SH3BP4: variants seen among roughly 807,000 people sequenced by gnomAD.
SH3BP4 encodes SH3 domain-binding protein 4.
SH3BP4 carries 33 observed loss-of-function variants against 65.5 expected under a neutral mutation model. The ratio of observed to expected loss-of-function variants is 0.50; its 90% confidence interval spans 0.38 to 0.67. SH3BP4 has a LOEUF of 0.67. SH3BP4 is among the 30% of genes least tolerant of loss of function. The pLI is 0.00. For missense variants in SH3BP4, 1,134 were observed against 1,261.4 expected (o/e 0.90, Z 1.53); for synonymous variants, 552 against 545.5 (o/e 1.01, Z -0.17).
rs773135724 is a variant in SH3BP4, at chr2:234,974,923, A to G, written c.-206-20380A>G. On this transcript the variant is annotated intron_variant, in intron 1 of 5. Transcript: ENST00000392011. The surrounding 1 kb of genome is among the most constrained non-coding windows in gnomAD (Gnocchi z 4.6). ...TACGTGGCGATTTGTGATGGGGATC[A>G]TAATAAAACTTAGCCTGATTAGAGG... Among the ~76,000 whole-genome samples, 1 of 152,184 alleles carries G rather than the reference A, an allele frequency of 6.6e-6. No individual in the cohort carries two copies.
intron 1 of SH3BP4, chr2:234,981,827 T>G (rs1181190211): frequency 6.6e-6 from 1 of 152,132 alleles, no homozygotes; most frequent in Non-Finnish European, 1.5e-5. Context: ...ACCGAAACAA[T>G]CCCTTGTTGA....
chr2:234,960,974 C>A (rs192836110), intron 1 of SH3BP4, among the ~76,000 whole-genome samples: 14 of 152,270 alleles, frequency 9.2e-5, no homozygotes, highest in Admixed American at 2.6e-4. Context: ...GTTCCTTTTT[C>A]CAGTGGCAGC....
chr2:234,985,096 G>C (rs1005804725), intron 1 of SH3BP4, among the ~76,000 whole-genome samples: 3 of 152,200 alleles, frequency 2.0e-5, no homozygotes, highest in African/African-American at 4.8e-5. Context: ...CGGGCTTGGG[G>C]CTGTGGTGTG....
At chr2:235,001,533 C>T (rs1384700646) in intron 2 of SH3BP4, among the ~76,000 whole-genome samples, 1 of 152,198 alleles carries the variant, frequency 6.6e-6, no homozygotes, top group Non-Finnish European at 1.5e-5. Flanking sequence ...GCTTTTATTT[C>T]TTGTGCTTTT....
intron 4 of SH3BP4, among the ~76,000 whole-genome samples, chr2:235,050,866 C>T (rs1191344339): frequency 6.6e-6 from 1 of 152,092 alleles, no homozygotes; most frequent in African/African-American, 2.4e-5. Context: ...TGTTTTTTAG[C>T]ACACTTTGGA....
Position 235,045,536 on chromosome 2 carries a change from G to C in SH3BP4, c.2478+2289G>C, listed in dbSNP as rs1695828490. ...ACCCAGAAAGGAGGAAGTGAAACTT[G>C]CCCTTGGCCAGGTCGGCTCCCTGAG... On this transcript the variant is annotated intron_variant, in intron 4 of 5. Coordinates refer to ENST00000392011, the MANE Select transcript of SH3BP4 (RefSeq NM_014521.3). The surrounding 1 kb of genome is among the most constrained non-coding windows in gnomAD (Gnocchi z 4.3). Among the ~76,000 whole-genome samples the C allele has an allele frequency of 6.6e-6, 1 of 152,088 alleles. No homozygotes were observed. Among genetic ancestry groups the C allele is most frequent in the Non-Finnish European group, 1.5e-5 (1 of 68,020 alleles).
In SH3BP4 at chr2:235,035,201, A is replaced by G. The variant is rs1011146175; in HGVS notation, c.118+81A>G. The G allele has an allele frequency of 1.3e-5, 13 of 992,012 alleles. No homozygotes were observed. In the African/African-American group the frequency reaches 2.1e-4, roughly 16 times the overall value. The allele number at this position is 992,012 out of a possible 1,614,324, so 61.5% of individuals were successfully genotyped here. ...TGGGATCCAAGAACTTTTCTGCTTT[A>G]AAGATTGCCAGTTTAGCATTCAGAT... On this transcript the variant is annotated intron_variant, in intron 3 of 5. Coordinates refer to ENST00000392011, the MANE Select transcript of SH3BP4 (RefSeq NM_014521.3). The surrounding 1 kb of genome is among the most constrained non-coding windows in gnomAD (Gnocchi z 5.0).
chr2:235,032,016 T>A (rs934787766), intron 2 of SH3BP4, among the ~76,000 whole-genome samples: 1 of 152,220 alleles, frequency 6.6e-6, no homozygotes, highest in African/African-American at 2.4e-5. Flanking sequence ...CAGGCAATGC[T>A]ATAGTCATGA....
intron 2 of SH3BP4, among the ~76,000 whole-genome samples, chr2:235,012,239 C>T (rs2106298008): frequency 6.6e-6 from 1 of 152,278 alleles, no homozygotes; most frequent in East Asian, 1.9e-4. Flanking sequence ...CCTCGGCAGA[C>T]CATCCCTGGG....
Position 235,035,022 on chromosome 2 carries a change from G to A in SH3BP4, c.20G>A (p.Arg7Gln), listed in dbSNP as rs146589231. Reference sequence around the variant, plus strand: ...TTCGAGATGGCGGCTCAGCGGATCCGAGCGGCCAACTCCAATGGCCTCCCT... The same window carrying A: ...TTCGAGATGGCGGCTCAGCGGATCCAAGCGGCCAACTCCAATGGCCTCCCT... MAAQRI[R>Q]AANSNGLPRC... The change falls in exon 3 of 6, where the codon CGA (arginine) becomes CAA (glutamine). Residue 7 changes from arginine to glutamine, a missense_variant. Arg to Gln is a conservative substitution (Grantham distance 43). Transcript: ENST00000392011. This position sits in a 1 kb window ranked among gnomAD's most constrained non-coding sequence, Gnocchi z 5.0. 84 of 1,614,042 alleles carry A rather than the reference G, an allele frequency of 5.2e-5. No homozygotes were observed. The highest frequency in any genetic ancestry group is 3.3e-4 in the Middle Eastern group (2 of 6,062).
Position 235,030,974 on chromosome 2 carries a change from C to T in SH3BP4, c.-132-3897C>T, listed in dbSNP as rs1159264087. On this transcript the variant is annotated intron_variant, in intron 2 of 5. Coordinates refer to ENST00000392011, the MANE Select transcript of SH3BP4 (RefSeq NM_014521.3). This position sits in a 1 kb window ranked among gnomAD's most constrained non-coding sequence, Gnocchi z 4.1. ...CCCCTGAATGTCTGGATGGGTGTTACAGCTACACTCAAGGATGGCCTCCCT... is the reference window on the plus strand; with the variant it reads ...CCCCTGAATGTCTGGATGGGTGTTATAGCTACACTCAAGGATGGCCTCCCT... Among the ~76,000 whole-genome samples, 1 of 152,158 alleles carries T rather than the reference C, an allele frequency of 6.6e-6. No individual in the cohort carries two copies. The highest frequency in any genetic ancestry group is 6.5e-5 in the Admixed American group (1 of 15,288).
chr2:235,052,764 G>A lies in SH3BP4; in HGVS notation c.2667+14G>A. 1 of 1,556,686 alleles carries A rather than the reference G, an allele frequency of 6.4e-7. No individual in the cohort carries two copies. The highest frequency in any genetic ancestry group is 8.7e-7 in the Non-Finnish European group (1 of 1,155,010). On this transcript the variant is annotated intron_variant, in intron 5 of 5. Transcript: ENST00000392011. This position sits in a 1 kb window ranked among gnomAD's most constrained non-coding sequence, Gnocchi z 5.0. ...GTGGACAGCGAGGTGAGCAGCGGCT[G>A]AGCTTCGAGCTCACCGAGCCCCTCT...
At chr2:234,970,608 T>C (rs1383017381) in intron 1 of SH3BP4, among the ~76,000 whole-genome samples, 1 of 152,216 alleles carries the variant, frequency 6.6e-6, no homozygotes, top group Non-Finnish European at 1.5e-5. Flanking sequence ...TACAGACACA[T>C]AGAAAGTGAA....
intron 2 of SH3BP4, chr2:234,995,662 C>G (rs1693892353): frequency 6.6e-6 from 1 of 152,324 alleles, no homozygotes. Context: ...CCGGCGCATT[C>G]CCAGAACAGC....
At chr2:234,994,221 C>T (rs1016391482) in intron 1 of SH3BP4, among the ~76,000 whole-genome samples, 17 of 152,182 alleles carry the variant, frequency 1.1e-4, no homozygotes, top group African/African-American at 4.1e-4. Context: ...GAGGGGGGAT[C>T]TGTGCTCTGA....
intron 1 of SH3BP4, among the ~76,000 whole-genome samples, chr2:234,958,572 T>A (rs1692637438): frequency 6.6e-6 from 1 of 151,746 alleles, no homozygotes; most frequent in South Asian, 2.1e-4. Context: ...GGGGCCAGGA[T>A]CACACTGCTG....
chr2:234,964,847 G>A (rs554840162), intron 1 of SH3BP4, among the ~76,000 whole-genome samples: 40 of 152,196 alleles, frequency 2.6e-4, no homozygotes, highest in Middle Eastern at 3.4e-3. Context: ...GAAAGGGGCC[G>A]GGTGACCTGC....
At chr2:234,973,527 G>A (rs991942984) in intron 1 of SH3BP4, among the ~76,000 whole-genome samples, 1 of 152,152 alleles carries the variant, frequency 6.6e-6, no homozygotes, top group African/African-American at 2.4e-5. Flanking sequence ...GGAGGCACCA[G>A]TCCCAAAGCA....
At chr2:234,992,896 G>A (rs374481408) in intron 1 of SH3BP4, among the ~76,000 whole-genome samples, 2 of 151,836 alleles carry the variant, frequency 1.3e-5, no homozygotes, top group African/African-American at 4.8e-5. Flanking sequence ...TTCCTGCCAC[G>A]TGGCTCTGGG....
Sources: gnomAD v4.1 joint callset for allele counts (sites outside exome capture counted in the v4.1 genomes callset) on GRCh38, gnomAD v4.1.1 for gene constraint, Gnocchi (gnomAD v3.1) non-coding constraint, MANE v1.5 for transcripts, NCBI Gene and HGNC (gene_info 2026-07-23, HGNC 2026-07-21) for gene names.